IL17REL: variants seen among roughly 807,000 people sequenced by gnomAD.
IL17REL encodes interleukin-17 receptor E-like protein.
Under a neutral mutation model 49.0 loss-of-function variants are expected in IL17REL, and 36 were observed. The observed-to-expected ratio is 0.73, with a 90% CI of 0.56 to 0.97. The LOEUF is 0.97. Among genes scored for constraint, IL17REL ranks in the 50% least tolerant of loss-of-function variants. IL17REL has a pLI of 0.00. For missense variants in IL17REL, 470 were observed against 453.9 expected, an observed-to-expected ratio of 1.04 and a Z score of -0.32; for synonymous variants, 206 against 192.4, an observed-to-expected ratio of 1.07 and a Z score of -0.58.
chr22:50,012,753 C>A (rs1204935381), upstream of IL17REL: 1 of 152,250 alleles, frequency 6.6e-6, no homozygotes, highest in Non-Finnish European at 1.5e-5. Context: ...GCTCCAGCCC[C>A]AAAGACAAAC....
intron 4 of IL17REL, 111 bp from the exon 6 acceptor site, chr22:50,000,351 T>G: frequency 1.4e-6 from 1 of 740,308 alleles, no homozygotes; most frequent in East Asian, 2.5e-5. Context: ...GACCTCGAAT[T>G]AAGCCAGAGG....
downstream of IL17REL, among the ~76,000 whole-genome samples, chr22:49,993,050 G>A (rs962111902): frequency 6.6e-6 from 1 of 152,210 alleles, no homozygotes; most frequent in Admixed American, 6.5e-5. The surrounding 1 kb of genome is among the most constrained non-coding windows in gnomAD (Gnocchi z 6.0). Flanking sequence ...CTCATGCAAA[G>A]GTCAGCTCCA....
intron 9 of IL17REL, 46 bp from the exon 12 acceptor site, chr22:49,997,788 G>GCAGGGGCAGGGA (rs760796037): frequency 1.2e-4 from 185 of 1,582,634 alleles, no homozygotes; most frequent in African/African-American, 4.6e-4. Context: ...TGTGTGTGAG[G>GCAGGGGCAGGGA]CAGGGGCAGG....
In IL17REL at chr22:50,000,551, C is replaced by T; in HGVS notation, c.261G>A (p.Gln87=). 2.5e-6 allele frequency: 4 copies of T among 1,613,568 alleles called. No individual in the cohort carries two copies. In the South Asian group the frequency reaches 4.4e-5, roughly 18 times the overall value. Residue 87 remains glutamine (Q), a synonymous_variant, in exon 4 of 13, where the codon CAG becomes CAA. Transcript: ENST00000341280. ...TGGTCCTCAGGGTGACATAGAGGTG[C>T]TGGGCCACGCTCACCGCAAAGCAGC...
intron 1 of IL17REL, among the ~76,000 whole-genome samples, chr22:50,005,952 TG>T (rs1453063216): frequency 1.3e-5 from 2 of 151,994 alleles, no homozygotes; most frequent in Non-Finnish European, 2.9e-5. Flanking sequence ...AAAAAACATA[TG>T]TTTTTTTAAA....
Position 50,001,086 on chromosome 22 carries a change from C to T in IL17REL, c.105G>A (p.Leu35=), listed in dbSNP as rs144579728. ...ACCCTCGAGGCCACCTCTCACCATG[C>T]AGGGTGATGGAGGCGCGTACACGCA... Residue 35 remains leucine, a synonymous_variant, in exon 2 of 13, where the codon CTG becomes CTA. Transcript: ENST00000341280. The T allele has an allele frequency of 9.5e-6, 15 of 1,583,302 alleles. No homozygotes were observed. The East Asian group carries it at 2.8e-4, about 29-fold the overall frequency.
chr22:49,993,088 G>A (rs2146731074), downstream of IL17REL, among the ~76,000 whole-genome samples: 1 of 152,318 alleles, frequency 6.6e-6, no homozygotes, highest in African/African-American at 2.4e-5. The surrounding 1 kb of genome is among the most constrained non-coding windows in gnomAD (Gnocchi z 6.0). Flanking sequence ...GGACTGTCCT[G>A]GTGTCAGCAC....
intron 1 of IL17REL, among the ~76,000 whole-genome samples, chr22:50,008,287 G>A (rs976254502): frequency 1.3e-5 from 2 of 152,222 alleles, no homozygotes; most frequent in African/African-American, 4.8e-5. Context: ...TAAAGGCCCA[G>A]TAGGGATCAC....
At position 49,998,759 on chromosome 22, in the gene IL17REL, GCATGGGTGCGTGTC is replaced by G. The variant is rs754075827; in HGVS notation, c.602-464_602-451del. Among the ~76,000 whole-genome samples, 105 of 151,560 alleles carry G rather than the reference GCATGGGTGCGTGTC, an allele frequency of 6.9e-4. 1 individual carries two copies. Among genetic ancestry groups the G allele is most frequent in the African/African-American group, 2.1e-3 (85 of 41,296 alleles). On this transcript the variant is annotated intron_variant, in intron 7 of 12. Coordinates refer to ENST00000341280, the Ensembl canonical transcript of IL17REL. The stretch of plus-strand genomic sequence containing the variant: ...GGTGTGTATGTGCATGGGTGCGTGT[GCATGGGTGCGTGTC>G]CATGGGTGTGGGTGTGCGTATGCAT...
Position 50,000,682 on chromosome 22 carries a change from C to T in IL17REL, c.219+72G>A, listed in dbSNP as rs138462927. 3.8e-4 allele frequency: 595 copies of T among 1,547,706 alleles called. 5 individuals carry two copies. The East Asian group carries it at 0.012, about 32-fold the overall frequency. The stretch of plus-strand genomic sequence containing the variant: ...CACTTGCATGGCTGGAGCTTAGAGC[C>T]AGGGATGGCGCCCAGGAGGAGTGGC... On this transcript the variant is annotated intron_variant, in intron 3 of 12. Transcript: ENST00000341280.
exon 4 of IL17REL, chr22:50,000,495 T>G (rs772792226): frequency 1.2e-6 from 2 of 1,613,106 alleles, no homozygotes; most frequent in African/African-American, 2.7e-5. Flanking sequence ...GAGGTGCCTC[T>G]GGTCCAGCTG....
chr22:50,008,334 G>C lies in IL17REL; in HGVS notation c.-42+303C>G, dbSNP rs139626737. Among the ~76,000 whole-genome samples the C allele has an allele frequency of 2.4e-4, 36 of 152,316 alleles. No homozygotes were observed. The East Asian group carries it at 6.9e-3, about 29-fold the overall frequency. ...AAAAAGCTTTGCTAGAGGAGACGGGGTTTTCCACCTGCTGCTTCTGGGCGG... is the reference window on the plus strand; with the variant it reads ...AAAAAGCTTTGCTAGAGGAGACGGGCTTTTCCACCTGCTGCTTCTGGGCGG... On this transcript the variant is annotated intron_variant, in intron 1 of 12. Transcript: ENST00000341280.
downstream of IL17REL, among the ~76,000 whole-genome samples, chr22:49,994,037 G>A (rs371279621): frequency 3.9e-4 from 59 of 149,712 alleles, no homozygotes; most frequent in South Asian, 0.013. Context: ...CTAGGGAGGG[G>A]CACCTGGGTG....
chr22:50,002,262 T>C (rs759403846), intron 1 of IL17REL, among the ~76,000 whole-genome samples: 1 of 152,246 alleles, frequency 6.6e-6, no homozygotes, highest in African/African-American at 2.4e-5. Context: ...GGGCCTTGGC[T>C]GCTTGCTTCG....
chr22:50,009,500 C>T (rs910541564), upstream of IL17REL, among the ~76,000 whole-genome samples: 3 of 152,200 alleles, frequency 2.0e-5, no homozygotes, highest in African/African-American at 2.4e-5. Context: ...CAGAGCAGGG[C>T]AGGACCCCCA....
At chr22:50,010,471 G>T (rs1330768846), upstream of IL17REL, among the ~76,000 whole-genome samples, 2 of 152,246 alleles carry the variant, frequency 1.3e-5, no homozygotes, top group African/African-American at 4.8e-5. Flanking sequence ...GGAACTGCAG[G>T]GGGGCAGTGG....
intron 12 of IL17REL, 58 bp from the exon 15 acceptor site, chr22:49,996,918 A>C: frequency 1.4e-6 from 1 of 706,278 alleles, no homozygotes; most frequent in East Asian, 2.9e-5. Flanking sequence ...GGGATGGGGG[A>C]TGGGAAGGGG....
intron 1 of IL17REL, among the ~76,000 whole-genome samples, chr22:50,007,673 C>T (rs1007290273): frequency 6.6e-6 from 1 of 152,090 alleles, no homozygotes; most frequent in African/African-American, 2.4e-5. Context: ...GCCACCGCAT[C>T]AGCCATGCTT....
At chr22:49,998,278 C>G (rs778944661) in exon 8 of IL17REL, 2 of 1,610,406 alleles carry the variant, frequency 1.2e-6, no homozygotes, top group East Asian at 2.2e-5. Context: ...GGTAGTAGAC[C>G]GTGTCCCACA....
Sources: gnomAD v4.1 joint callset for allele counts (sites outside exome capture counted in the v4.1 genomes callset) on GRCh38, gnomAD v4.1.1 for gene constraint, Gnocchi (gnomAD v3.1) non-coding constraint, MANE v1.5 for transcripts, NCBI Gene and HGNC (gene_info 2026-07-23, HGNC 2026-07-21) for gene names.